The following DAPK2 variants were observed in gnomAD, a reference collection of about 807,000 sequenced individuals.
DAPK2 encodes death associated protein kinase 2, also known as death-associated protein kinase 2.
Under a neutral mutation model 44.1 loss-of-function variants are expected in DAPK2, and 35 were observed. The ratio of observed to expected loss-of-function variants is 0.79; its 90% confidence interval spans 0.61 to 1.05. The LOEUF (loss-of-function observed/expected upper bound fraction) is 1.05, where lower values mean the gene tolerates loss of function less well. Ranked by LOEUF, DAPK2 falls within the 50% of genes least tolerant of loss-of-function variation. DAPK2 has a pLI of 0.00. For missense variants in DAPK2, 453 were observed against 483.2 expected, an observed-to-expected ratio of 0.94 and a Z score of 0.59; for synonymous variants, 174 against 182.6, an observed-to-expected ratio of 0.95 and a Z score of 0.38.
rs55774815 is a variant in DAPK2, at chr15:63,990,249, C to CA, written c.93-6496dup. Among the ~76,000 whole-genome samples the CA allele has an allele frequency of 0.57, 86,537 of 151,696 alleles. 25,780 individuals carry two copies. The highest frequency in any genetic ancestry group is 0.66 in the Non-Finnish European group (44,732 of 67,908). On this transcript the variant is annotated intron_variant, in intron 1 of 10. Coordinates refer to ENST00000261891, the Ensembl canonical transcript of DAPK2. The surrounding 1 kb of genome is among the most constrained non-coding windows in gnomAD (Gnocchi z 4.3). ...TTGAGACCAGCCTGGGCCAACAGGACAAAACCCCATCTCTCCTAAAAATAC... is the reference window on the plus strand; with the variant it reads ...TTGAGACCAGCCTGGGCCAACAGGACAAAAACCCCATCTCTCCTAAAAATAC...
At chr15:63,963,206 A>G (rs8039491) in intron 3 of DAPK2, among the ~76,000 whole-genome samples, 51,387 of 151,996 alleles carry the variant, frequency 0.34, 9,149 homozygotes, top group Non-Finnish European at 0.38. Context: ...GGAAAAGCGC[A>G]GTATTAGGGT....
chr15:64,013,311 T>C lies in DAPK2; in HGVS notation c.92+26859A>G, dbSNP rs2079437774. ...GGGTTAAGATCTTGTTCTTCATTAC[T>C]GAGATTTTAAGCTGGGAGGCTGCAA... On this transcript the variant is annotated intron_variant, in intron 1 of 10. Coordinates refer to ENST00000261891, the Ensembl canonical transcript of DAPK2. The surrounding 1 kb of genome is among the most constrained non-coding windows in gnomAD (Gnocchi z 4.7). Among the ~76,000 whole-genome samples, 3 of 152,238 alleles carry C rather than the reference T, an allele frequency of 2.0e-5. No individual in the cohort carries two copies. The highest frequency in any genetic ancestry group is 4.4e-5 in the Non-Finnish European group (3 of 68,036).
chr15:63,913,993 C>T (rs990070937), intron 8 of DAPK2, among the ~76,000 whole-genome samples: 13 of 152,206 alleles, frequency 8.5e-5, no homozygotes, highest in Admixed American at 2.0e-4. Context: ...TACTCTCCTC[C>T]CAACCCGGGA....
chr15:63,937,330 C>T (rs912565025), intron 4 of DAPK2, among the ~76,000 whole-genome samples: 2 of 152,146 alleles, frequency 1.3e-5, no homozygotes, highest in Admixed American at 1.3e-4. Context: ...TTGGCCAATG[C>T]TATAAATTAG....
intron 4 of DAPK2, among the ~76,000 whole-genome samples, chr15:63,933,833 A>AAGCCTCC (rs909033797): frequency 1.3e-5 from 2 of 148,764 alleles, no homozygotes; most frequent in African/African-American, 5.0e-5. Flanking sequence ...TTCTAGGCTC[A>AAGCCTCC]AGCCTCCGGC....
intron 3 of DAPK2, 29 bp downstream of exon 4, chr15:63,971,394 G>C (rs764406265): frequency 3.7e-6 from 6 of 1,612,952 alleles, no homozygotes; most frequent in Non-Finnish European, 4.2e-6. Context: ...TCCTAAACTT[G>C]ATTCTTTTCC....
chr15:63,996,810 G>A (rs1399390523), intron 1 of DAPK2, among the ~76,000 whole-genome samples: 3 of 152,144 alleles, frequency 2.0e-5, no homozygotes, highest in Non-Finnish European at 4.4e-5. Context: ...ATGTACAGCC[G>A]ATCCTAATGG....
chr15:63,976,799 TATCTC>T, intron 2 of DAPK2, among the ~76,000 whole-genome samples: 1 of 152,348 alleles, frequency 6.6e-6, no homozygotes, highest in South Asian at 2.1e-4. Flanking sequence ...GAATGTAAAA[TATCTC>T]ATTAATAATT....
At chr15:64,034,485 T>C (rs1453581845) in intron 1 of DAPK2, among the ~76,000 whole-genome samples, 1 of 152,214 alleles carries the variant, frequency 6.6e-6, no homozygotes, top group Non-Finnish European at 1.5e-5. Context: ...GTTGGGTGTC[T>C]GGCAGGGTGT....
intron 1 of DAPK2, among the ~76,000 whole-genome samples, chr15:64,007,718 A>G (rs2079273372): frequency 6.6e-6 from 1 of 152,226 alleles, no homozygotes. Flanking sequence ...GGAGCATACA[A>G]CTATGTTTGC....
At chr15:64,012,990 G>T (rs764555647) in intron 1 of DAPK2, among the ~76,000 whole-genome samples, 3 of 152,282 alleles carry the variant, frequency 2.0e-5, no homozygotes, top group Non-Finnish European at 2.9e-5. Context: ...GATATAAATT[G>T]TATCTTCGAT....
rs190889989 is a variant in DAPK2 at position 63,977,193 on chromosome 15, C to T, written c.315-5632G>A. Among the ~76,000 whole-genome samples, 7 of 152,352 alleles carry T rather than the reference C, an allele frequency of 4.6e-5. No individual in the cohort carries two copies. In the East Asian group the frequency reaches 7.7e-4, roughly 17 times the overall value. On this transcript the variant is annotated intron_variant, in intron 2 of 10. Coordinates refer to ENST00000261891, the Ensembl canonical transcript of DAPK2. ...TATGTACCATCTGCCATAGCTGCAGCGCCCCTCTGCTCAGGGTTGAGTAGG... is the reference window on the plus strand; with the variant it reads ...TATGTACCATCTGCCATAGCTGCAGTGCCCCTCTGCTCAGGGTTGAGTAGG...
chr15:64,015,333 A>G (rs1318976430), intron 1 of DAPK2, among the ~76,000 whole-genome samples: 1 of 152,152 alleles, frequency 6.6e-6, no homozygotes, highest in East Asian at 1.9e-4. Flanking sequence ...CTCTTTATAT[A>G]AGGTCTTCCC....
chr15:63,992,549 A>G (rs1002087974), intron 1 of DAPK2, among the ~76,000 whole-genome samples: 1 of 152,270 alleles, frequency 6.6e-6, no homozygotes, highest in Non-Finnish European at 1.5e-5. Context: ...TAGCCTGGGC[A>G]TGAAAGAACT....
chr15:63,988,247 C>A (rs1206694742), intron 1 of DAPK2, among the ~76,000 whole-genome samples: 2 of 152,032 alleles, frequency 1.3e-5, no homozygotes, highest in African/African-American at 4.8e-5. Context: ...CTTGTCAGGC[C>A]CCCAGGTGCC....
At position 64,013,299 on chromosome 15, in the gene DAPK2, G is replaced by T. The variant is rs142368290; in HGVS notation, c.92+26871C>A. 1.3e-5 allele frequency among the ~76,000 whole-genome samples: 2 copies of T among 152,316 alleles called. No individual in the cohort carries two copies. The highest frequency in any genetic ancestry group is 3.4e-3 in the Middle Eastern group (1 of 294). On this transcript the variant is annotated intron_variant, in intron 1 of 10. Coordinates refer to ENST00000261891, the Ensembl canonical transcript of DAPK2. This position sits in a 1 kb window ranked among gnomAD's most constrained non-coding sequence, Gnocchi z 4.7. ...ATCTTTATACAAGGGTTAAGATCTT[G>T]TTCTTCATTACTGAGATTTTAAGCT... is the stretch of plus-strand genomic sequence containing the variant.
intron 3 of DAPK2, among the ~76,000 whole-genome samples, chr15:63,963,342 T>C (rs1304515816): frequency 6.6e-6 from 1 of 152,156 alleles, no homozygotes; most frequent in Non-Finnish European, 1.5e-5. Flanking sequence ...CTGCACCCAC[T>C]TTCTGACAAG....
intron 3 of DAPK2, among the ~76,000 whole-genome samples, chr15:63,964,632 T>C (rs2078001577): frequency 6.6e-6 from 1 of 152,068 alleles, no homozygotes; most frequent in African/African-American, 2.4e-5. Context: ...GAATGCTTCA[T>C]TCTTTTTTTT....
chr15:64,005,709 G>A (rs952169869), intron 1 of DAPK2, among the ~76,000 whole-genome samples: 2 of 152,112 alleles, frequency 1.3e-5, no homozygotes, highest in African/African-American at 4.8e-5. Context: ...AGATCTGGGA[G>A]AAGAACCAGA....
Sources: gnomAD v4.1 joint callset for allele counts (sites outside exome capture counted in the v4.1 genomes callset) on GRCh38, gnomAD v4.1.1 for gene constraint, Gnocchi (gnomAD v3.1) non-coding constraint, MANE v1.5 for transcripts, NCBI Gene and HGNC (gene_info 2026-07-23, HGNC 2026-07-21) for gene names.